LRRC37A2: variants seen among roughly 807,000 people sequenced by gnomAD.
LRRC37A2 encodes the protein leucine rich repeat containing 37 member A2.
LRRC37A2 carries 9 observed loss-of-function variants against 68.8 expected under a neutral mutation model. The ratio of observed to expected loss-of-function variants is 0.13; its 90% confidence interval spans 0.08 to 0.23. The LOEUF is 0.23. Ranked by LOEUF, LRRC37A2 falls within the 10% of genes least tolerant of loss-of-function variation. The pLI is 1.00. For synonymous variants in LRRC37A2, 63 were observed against 367.6 expected (o/e 0.17, Z 9.48); for missense variants, 168 against 950.4 (o/e 0.18, Z 10.82).
At chr17:46,716,819 C>T in the LRRC37A2 span, among the ~76,000 whole-genome samples, 3 of 152,188 alleles carry the variant, frequency 2.0e-5, no homozygotes, top group Non-Finnish European at 4.4e-5. Flanking sequence ...CATATACCCC[C>T]TCCCTTATAT....
intron 6 of LRRC37A2, among the ~76,000 whole-genome samples, chr17:46,529,835 GATA>G (rs1292966694): frequency 8.0e-6 from 1 of 124,508 alleles, no homozygotes; most frequent in Non-Finnish European, 1.7e-5. Context: ...AGGAAAAGAG[GATA>G]ATATCGAATG....
the LRRC37A2 span, among the ~76,000 whole-genome samples, chr17:46,479,507 A>C: frequency 1.9e-5 from 2 of 107,108 alleles, 1 homozygote; most frequent in African/African-American, 6.6e-5. Flanking sequence ...CCAGTAAATT[A>C]TTTTTCTTTT....
the LRRC37A2 span, among the ~76,000 whole-genome samples, chr17:46,871,864 C>A: frequency 0.013 from 1,904 of 152,308 alleles, 42 homozygotes; most frequent in African/African-American, 0.043. Context: ...ATCCCCTTCT[C>A]TCCCCAGGCA....
the LRRC37A2 span, among the ~76,000 whole-genome samples, chr17:46,804,921 C>G: frequency 7.5e-6 from 1 of 133,456 alleles, no homozygotes; most frequent in East Asian, 2.7e-4. Flanking sequence ...CCCCGCCCAC[C>G]CCCCCCACCC....
chr17:46,657,296 A>G, the LRRC37A2 span, among the ~76,000 whole-genome samples: 3 of 143,132 alleles, frequency 2.1e-5, no homozygotes, highest in Admixed American at 7.0e-5. Context: ...TGAAAAGTCA[A>G]ATGTTAAGGA....
chr17:46,440,401 T>A, the LRRC37A2 span, among the ~76,000 whole-genome samples: 11 of 80,496 alleles, frequency 1.4e-4, 2 homozygotes, highest in Admixed American at 3.6e-4. Flanking sequence ...TATTTTATTT[T>A]TTTTTTTTTT....
chr17:47,017,823 G>A, the LRRC37A2 span: 13 of 1,609,974 alleles, frequency 8.1e-6, no homozygotes, highest in Non-Finnish European at 1.1e-5. Context: ...AGGGCCCTCT[G>A]AGCAAGTTGG....
At chr17:46,987,103 C>T in the LRRC37A2 span, among the ~76,000 whole-genome samples, 7 of 152,062 alleles carry the variant, frequency 4.6e-5, no homozygotes, top group Non-Finnish European at 1.0e-4. Flanking sequence ...ATTAGCCAAG[C>T]GTGGTGGTGC....
the LRRC37A2 span, chr17:47,017,360 G>A: frequency 7.9e-5 from 124 of 1,566,814 alleles, 3 homozygotes; most frequent in Admixed American, 5.0e-4. Flanking sequence ...CCCTGGGGCC[G>A]CCTGAGCCCT....
At chr17:46,792,763 C>G in the LRRC37A2 span, among the ~76,000 whole-genome samples, 1 of 152,240 alleles carries the variant, frequency 6.6e-6, no homozygotes, top group Non-Finnish European at 1.5e-5. Flanking sequence ...TGAGCCATCA[C>G]GCCTGGCCAG....
the LRRC37A2 span, among the ~76,000 whole-genome samples, chr17:47,032,449 G>C: frequency 1.3e-5 from 2 of 152,336 alleles, no homozygotes; most frequent in East Asian, 1.9e-4. Flanking sequence ...TACAAGCTTT[G>C]CAAGTAATTT....
chr17:46,494,503 A>C, the LRRC37A2 span, among the ~76,000 whole-genome samples: 6 of 149,564 alleles, frequency 4.0e-5, no homozygotes, highest in Admixed American at 6.6e-5. Flanking sequence ...TGTTCCAATA[A>C]AACTTTATGA....
the LRRC37A2 span, among the ~76,000 whole-genome samples, chr17:46,957,400 G>A: frequency 6.6e-6 from 1 of 152,138 alleles, no homozygotes. Context: ...ATCACTTGAG[G>A]TCAGGAGTCT....
At chr17:46,905,669 C>T in the LRRC37A2 span, among the ~76,000 whole-genome samples, 3 of 152,154 alleles carry the variant, frequency 2.0e-5, no homozygotes, top group Non-Finnish European at 2.9e-5. Flanking sequence ...AGCCATCATC[C>T]CCAACAGCCC....
At chr17:46,825,977 C>T in the LRRC37A2 span, among the ~76,000 whole-genome samples, 142 of 152,304 alleles carry the variant, frequency 9.3e-4, no homozygotes, top group Middle Eastern at 3.4e-3. Flanking sequence ...GAGCCAAGAC[C>T]GTGCCACTGC....
chr17:46,827,835 A>C, the LRRC37A2 span, among the ~76,000 whole-genome samples: 1 of 144,696 alleles, frequency 6.9e-6, no homozygotes, highest in East Asian at 2.0e-4. Flanking sequence ...TTTGAGGCAG[A>C]GTCTTGCTCT....
the LRRC37A2 span, among the ~76,000 whole-genome samples, chr17:47,036,608 G>A: frequency 8.5e-4 from 128 of 150,608 alleles, no homozygotes; most frequent in African/African-American, 3.0e-3. Flanking sequence ...TTATTTCCAC[G>A]TAGAATTGTT....
the LRRC37A2 span, chr17:46,872,910 C>A: frequency 9.1e-7 from 1 of 1,104,330 alleles, no homozygotes; most frequent in Non-Finnish European, 1.2e-6. Context: ...TAGCACGGTC[C>A]CAAATGAGAA....
the LRRC37A2 span, chr17:46,941,740 ATT>A: frequency 1.5e-3 from 227 of 149,696 alleles, no homozygotes; most frequent in Non-Finnish European, 2.1e-3. Flanking sequence ...TGTCTGGCTA[ATT>A]TTTTTTTTTT....
Sources: gnomAD v4.1 joint callset for allele counts (sites outside exome capture counted in the v4.1 genomes callset) on GRCh38, gnomAD v4.1.1 for gene constraint, MANE v1.5 for transcripts, NCBI Gene and HGNC (gene_info 2026-07-23, HGNC 2026-07-21) for gene names.